Variants in SLC15A5 observed in about 807,000 individuals in gnomAD.
SLC15A5 encodes the protein solute carrier family 15 member 5.
In SLC15A5, 58 loss-of-function variants were observed where a neutral mutation model predicts 56.1. That is an observed-to-expected ratio of 1.03 (90% CI 0.84 to 1.29). The LOEUF (loss-of-function observed/expected upper bound fraction) is 1.29. Among genes scored for constraint, SLC15A5 ranks in the 50% most tolerant of loss-of-function variants. SLC15A5 has a pLI of 0.00. For missense variants in SLC15A5, 681 were observed against 672.1 expected (o/e 1.01, Z -0.15); for synonymous variants, 264 against 250.5 (o/e 1.05, Z -0.51).
chr12:16,250,096 A>G (rs181039919), intron 3 of SLC15A5, among the ~76,000 whole-genome samples: 6 of 152,142 alleles, frequency 3.9e-5, no homozygotes, highest in Admixed American at 3.3e-4. Context: ...GCTCCAGCCT[A>G]AGAAAAATAG....
rs1192922446 is a variant in SLC15A5, at chr12:16,216,971, T to C, written c.1405A>G (p.Asn469Asp). 14 of 1,536,644 alleles carry C rather than the reference T, an allele frequency of 9.1e-6. No individual in the cohort carries two copies. In the South Asian group the frequency reaches 1.4e-4, roughly 16 times the overall value. Residue 469 changes from asparagine to aspartate, a missense_variant, in exon 7 of 9, where the codon AAT (asparagine) becomes GAT (aspartate). Coordinates refer to ENST00000344941, the MANE Select transcript of SLC15A5 (RefSeq NM_001170798.1). ...AATCCATTGAACAGTGTCAGAAAATTCATGGAGGTTCCTCTGACATTGCTT... is the reference window on the plus strand; with the variant it reads ...AATCCATTGAACAGTGTCAGAAAATCCATGGAGGTTCCTCTGACATTGCTT... ...VPSNVRGTSM[N>D]FLTLFNGFGC...
intron 6 of SLC15A5, among the ~76,000 whole-genome samples, chr12:16,217,490 A>G (rs1203172881): frequency 6.6e-6 from 1 of 152,150 alleles, no homozygotes; most frequent in African/African-American, 2.4e-5. Flanking sequence ...GTATTAAAAT[A>G]CCATGTCAGC....
intron 4 of SLC15A5, among the ~76,000 whole-genome samples, chr12:16,242,421 G>T (rs916212754): frequency 1.5e-4 from 23 of 152,210 alleles, no homozygotes; most frequent in African/African-American, 5.5e-4. Flanking sequence ...CATGGCGCTT[G>T]ACACTAATCC....
intron 3 of SLC15A5, among the ~76,000 whole-genome samples, chr12:16,246,293 T>C (rs1265573067): frequency 1.3e-5 from 2 of 152,178 alleles, no homozygotes; most frequent in Non-Finnish European, 2.9e-5. Context: ...CAAGATTTGT[T>C]TCTCTTAGGA....
At chr12:16,260,551 A>C (rs1481466287) in intron 2 of SLC15A5, among the ~76,000 whole-genome samples, 3 of 150,970 alleles carry the variant, frequency 2.0e-5, no homozygotes, top group African/African-American at 7.3e-5. Context: ...TATATTTTGG[A>C]TGCATGTCAT....
chr12:16,266,565 C>A (rs1011277903), intron 2 of SLC15A5, among the ~76,000 whole-genome samples: 1 of 152,062 alleles, frequency 6.6e-6, no homozygotes, highest in African/African-American at 2.4e-5. Flanking sequence ...GAAAGAATTA[C>A]CTAGTACAGT....
At chr12:16,251,025 A>G (rs1864513834) in intron 3 of SLC15A5, among the ~76,000 whole-genome samples, 1 of 151,960 alleles carries the variant, frequency 6.6e-6, no homozygotes, top group South Asian at 2.1e-4. Context: ...AAGTGTTAAT[A>G]CTCCCAAAAT....
intron 7 of SLC15A5, among the ~76,000 whole-genome samples, chr12:16,198,188 A>T (rs1423922236): frequency 6.6e-6 from 1 of 152,196 alleles, no homozygotes; most frequent in African/African-American, 2.4e-5. Context: ...ATTGTTCAGA[A>T]TTCCTCCAAA....
In SLC15A5 at chr12:16,239,655, G is replaced by A. The variant is rs560363394; in HGVS notation, c.1162+26C>T. 47 of 1,526,446 alleles carry A rather than the reference G, an allele frequency of 3.1e-5. 1 individual carries two copies. The Middle Eastern group carries it at 5.1e-4, about 16-fold the overall frequency. 94.6% of individuals were successfully genotyped at this position (1,526,446 alleles called of 1,614,324 possible). A position where few individuals can be genotyped will look rare whatever the true frequency, so the allele number is the denominator to read the frequency against. On this transcript the variant is annotated intron_variant, in intron 5 of 8. Transcript: ENST00000344941. ...GTTTTAAAAAAGTTTCAAACGATTC[G>A]CATGAAATGGTTAAATTGTACTTAC...
rs1864343613 is a variant in SLC15A5 at position 16,235,410 on chromosome 12, T to C, written c.1162+4271A>G. 6.6e-6 allele frequency among the ~76,000 whole-genome samples: 1 copy of C among 151,846 alleles called. No homozygotes were observed. On this transcript the variant is annotated intron_variant, in intron 5 of 8. Transcript: ENST00000344941. The surrounding 1 kb of genome is among the most constrained non-coding windows in gnomAD (Gnocchi z 4.1). ...TTTCAGAAGACCCAGCTTCAGTTTA[T>C]GTTTTATTTCTGAATGTAGAACAGG... is the stretch of plus-strand genomic sequence containing the variant.
rs57945252 is a variant in SLC15A5 at position 16,230,639 on chromosome 12, C to T, written c.1163-6037G>A. ...AATTCTTAAAAAAGACAAGGCCGGGCGCGGTGGCTCACGCCTGTAATCCCA... is the reference window on the plus strand; with the variant it reads ...AATTCTTAAAAAAGACAAGGCCGGGTGCGGTGGCTCACGCCTGTAATCCCA... On this transcript the variant is annotated intron_variant, in intron 5 of 8. Transcript: ENST00000344941. Among the ~76,000 whole-genome samples the T allele has an allele frequency of 1.2e-3, 184 of 151,940 alleles. 1 individual carries two copies. The highest frequency in any genetic ancestry group is 4.0e-3 in the African/African-American group (166 of 41,432).
In SLC15A5 at chr12:16,239,065, G is replaced by C. The variant is rs11836196; in HGVS notation, c.1162+616C>G. ...CAATGTCAGAGTTCTCTGATTCTTA[G>C]ATTGAAACTTGTTTTACTGTACCCC... On this transcript the variant is annotated intron_variant, in intron 5 of 8. Coordinates refer to ENST00000344941, the MANE Select transcript of SLC15A5 (RefSeq NM_001170798.1). Among the ~76,000 whole-genome samples the C allele has an allele frequency of 2.6e-5, 4 of 152,292 alleles. 1 individual carries two copies. The South Asian group carries it at 8.3e-4, about 32-fold the overall frequency.
At chr12:16,227,385 T>C (rs1424906608) in intron 5 of SLC15A5, among the ~76,000 whole-genome samples, 7 of 152,214 alleles carry the variant, frequency 4.6e-5, no homozygotes, top group Non-Finnish European at 8.8e-5. Context: ...TCCTGCTATA[T>C]GCAAGATAGT....
chr12:16,251,815 C>G (rs778239190), intron 3 of SLC15A5, among the ~76,000 whole-genome samples: 3 of 151,874 alleles, frequency 2.0e-5, no homozygotes, highest in Admixed American at 6.6e-5. Context: ...CCCAACTATT[C>G]TGAGGCCAGC....
intron 2 of SLC15A5, among the ~76,000 whole-genome samples, chr12:16,266,513 T>G (rs1229397188): frequency 2.6e-5 from 4 of 152,206 alleles, no homozygotes; most frequent in African/African-American, 9.6e-5. Flanking sequence ...CTAAATGTAT[T>G]TTAACAAATG....
At chr12:16,229,093 T>G (rs996861333) in intron 5 of SLC15A5, among the ~76,000 whole-genome samples, 2 of 152,216 alleles carry the variant, frequency 1.3e-5, no homozygotes, top group African/African-American at 4.8e-5. Context: ...GTCTTCTTGT[T>G]TCCACTCTTG....
rs944557663 is a variant in SLC15A5, at chr12:16,224,602, A to C, written c.1163T>G (p.Ile388Ser). The part of the protein sequence containing the change: ...RVGSFLSTCI[I>S]AGNLFAALSV... ...CAATGCAGCAAAAAGATTTCCAGCA[A>C]CTGAAGGAAAATAATGCAAAAGAAA... The change falls in exon 6 of 9, where the codon ATT becomes AGT. Residue 388 changes from isoleucine (I) to serine (S), a missense_variant and splice_region_variant. Transcript: ENST00000344941. 4 of 1,528,522 alleles carry C rather than the reference A, an allele frequency of 2.6e-6. No homozygotes were observed. Among genetic ancestry groups the C allele is most frequent in the Non-Finnish European group, 1.8e-6 (2 of 1,142,110 alleles). The allele number at this position is 1,528,522 out of a possible 1,614,324, so 94.7% of individuals were successfully genotyped here.
chr12:16,235,619 T>C lies in SLC15A5; in HGVS notation c.1162+4062A>G, dbSNP rs932640135. Among the ~76,000 whole-genome samples, 1 of 152,282 alleles carries C rather than the reference T, an allele frequency of 6.6e-6. No homozygotes were observed. The highest frequency in any genetic ancestry group is 2.4e-5 in the African/African-American group (1 of 41,588). ...AATGTGCAACCGAATGAATGACTTA[T>C]TCAGGCTAGATGTTTACAATTCATG... On this transcript the variant is annotated intron_variant, in intron 5 of 8. Transcript: ENST00000344941. This position sits in a 1 kb window ranked among gnomAD's most constrained non-coding sequence, Gnocchi z 4.1.
chr12:16,277,181 G>T, intron 1 of SLC15A5, 144 bp downstream of exon 1: 2 of 814,294 alleles, frequency 2.5e-6, no homozygotes, highest in Non-Finnish European at 3.7e-6. Flanking sequence ...ATAGTACAAA[G>T]AATGAAATAC....
Sources: gnomAD v4.1 joint callset for allele counts (sites outside exome capture counted in the v4.1 genomes callset) on GRCh38, gnomAD v4.1.1 for gene constraint, Gnocchi (gnomAD v3.1) non-coding constraint, MANE v1.5 for transcripts, NCBI Gene and HGNC (gene_info 2026-07-23, HGNC 2026-07-21) for gene names.